Variants in OMA1 observed in about 807,000 individuals in gnomAD.
OMA1 encodes metalloendopeptidase OMA1, mitochondrial.
A neutral mutation model predicts 30.9 loss-of-function variants in OMA1; 38 were observed. The observed-to-expected ratio is 1.23, with a 90% confidence interval of 0.95 to 1.61. The LOEUF (loss-of-function observed/expected upper bound fraction) is 1.61. Among genes scored for constraint, OMA1 ranks in the 40% most tolerant of loss-of-function variants. The pLI is 0.00. For synonymous variants in OMA1, 173 were observed against 121.9 expected (o/e 1.42, Z -2.76); for missense variants, 461 against 349.2 (o/e 1.32, Z -2.55).
intron 7 of OMA1, among the ~76,000 whole-genome samples, chr1:58,517,552 A>T (rs964366156): frequency 2.6e-5 from 4 of 152,186 alleles, no homozygotes; most frequent in African/African-American, 9.7e-5. Flanking sequence ...CTCAAGTTAC[A>T]TCTCTGCTAC....
Position 58,536,642 on chromosome 1 carries a change from A to G in OMA1, c.600T>C (p.Ser200=). ...KNKWKLFLGL[S]SFGLLFVVFY... is the part of the protein sequence containing the mutation. ...ACACCACAAAGAGCAATCCAAAACT[A>G]CTCAAACCAAGGAATAGCTTCCATT... The change falls in exon 3 of 9, where the codon AGT becomes AGC. Residue 200 remains serine (S), a synonymous_variant. Coordinates refer to ENST00000371226, the MANE Select transcript of OMA1 (RefSeq NM_145243.5). The G allele has an allele frequency of 1.1e-6, 1 of 872,814 alleles. No homozygotes were observed. Among genetic ancestry groups the G allele is most frequent in the Non-Finnish European group, 2.0e-6 (1 of 501,624 alleles). The allele number at this position is 872,814 out of a possible 1,614,324, so 54.1% of individuals were successfully genotyped here.
intron 1 of OMA1, among the ~76,000 whole-genome samples, chr1:58,544,272 A>C (rs1646667068): frequency 6.6e-6 from 1 of 152,216 alleles, no homozygotes; most frequent in South Asian, 2.1e-4. Flanking sequence ...TTATTCATTC[A>C]TTCTGAAAAT....
At chr1:58,482,691 G>A (rs910534595) in intron 8 of OMA1, among the ~76,000 whole-genome samples, 1 of 152,134 alleles carries the variant, frequency 6.6e-6, no homozygotes, top group African/African-American at 2.4e-5. Flanking sequence ...GGGGTCAAGA[G>A]GGGGACAGAC....
intron 7 of OMA1, among the ~76,000 whole-genome samples, chr1:58,522,373 T>C (rs962480800): frequency 6.6e-6 from 1 of 152,134 alleles, no homozygotes; most frequent in Non-Finnish European, 1.5e-5. Flanking sequence ...TATATATACA[T>C]AATTTTTTTA....
At chr1:58,488,642 G>C (rs1466721821) in intron 8 of OMA1, among the ~76,000 whole-genome samples, 1 of 152,154 alleles carries the variant, frequency 6.6e-6, no homozygotes, top group Non-Finnish European at 1.5e-5. Context: ...AGTAGAGACA[G>C]GGTTTCTCCA....
chr1:58,505,810 C>A (rs949365480), intron 8 of OMA1, among the ~76,000 whole-genome samples: 1 of 152,048 alleles, frequency 6.6e-6, no homozygotes, highest in Non-Finnish European at 1.5e-5. Context: ...AAATTAAAGT[C>A]TCATACTAAA....
chr1:58,491,830 C>A (rs1645698046), intron 8 of OMA1, among the ~76,000 whole-genome samples: 1 of 152,038 alleles, frequency 6.6e-6, no homozygotes, highest in Non-Finnish European at 1.5e-5. Context: ...ACTTTAACAC[C>A]CCACTGTTAA....
At chr1:58,530,579 C>A in intron 6 of OMA1, 22 bp downstream of exon 6, 2 of 865,316 alleles carry the variant, frequency 2.3e-6, no homozygotes, top group South Asian at 1.3e-5. Flanking sequence ...ATGATCAATT[C>A]AAGTTATTGT....
intron 8 of OMA1, among the ~76,000 whole-genome samples, chr1:58,496,434 T>C (rs1290482843): frequency 2.6e-5 from 4 of 152,224 alleles, no homozygotes; most frequent in Non-Finnish European, 4.4e-5. Flanking sequence ...ACTGCTTCTA[T>C]GTTCTTGCCG....
intron 6 of OMA1, among the ~76,000 whole-genome samples, chr1:58,528,225 G>C (rs892483643): frequency 6.6e-5 from 10 of 152,120 alleles, no homozygotes; most frequent in African/African-American, 2.4e-4. Flanking sequence ...CAAGTCTATT[G>C]ATAACATAAG....
At position 58,480,993 on chromosome 1, in the gene OMA1, T is replaced by A. The variant is rs1215049861; in HGVS notation, c.1547A>T (p.Tyr516Phe). 1 of 870,642 alleles carries A rather than the reference T, an allele frequency of 1.1e-6. No homozygotes were observed. Among genetic ancestry groups the A allele is most frequent in the South Asian group, 1.3e-5 (1 of 76,318 alleles). 53.9% of individuals were successfully genotyped at this position (870,642 alleles called of 1,614,324 possible). Reference protein sequence around the residue: ...IQKQEQIPLTYIVEKRTGS With the variant: ...IQKQEQIPLTFIVEKRTGS ...ACTGCCCGTTCTTTTCTCAACTATGTATGTTAATGGTATTTGCTCCTGTTT... is the reference window on the plus strand; with the variant it reads ...ACTGCCCGTTCTTTTCTCAACTATGAATGTTAATGGTATTTGCTCCTGTTT... Residue 516 changes from tyrosine (Y) to phenylalanine (F), a missense_variant, in exon 9 of 9, where the codon TAC becomes TTC. Transcript: ENST00000371226.
chr1:58,513,273 C>T (rs1646109533), intron 7 of OMA1, among the ~76,000 whole-genome samples: 1 of 152,120 alleles, frequency 6.6e-6, no homozygotes, highest in South Asian at 2.1e-4. Flanking sequence ...ACCTGCTTCC[C>T]CTTCCACCAT....
intron 4 of OMA1, 37 bp downstream of exon 4, chr1:58,534,121 T>C (rs749290586): frequency 1.2e-6 from 1 of 867,912 alleles, no homozygotes; most frequent in Non-Finnish European, 2.0e-6. Flanking sequence ...GGACAATAAA[T>C]TTAACAATTA....
intron 7 of OMA1, among the ~76,000 whole-genome samples, chr1:58,524,925 T>A (rs1365736103): frequency 6.6e-6 from 1 of 152,204 alleles, no homozygotes; most frequent in East Asian, 1.9e-4. Flanking sequence ...TGTCTTCTGG[T>A]GTTTTAAGTA....
At chr1:58,521,426 A>G (rs1646261588) in intron 7 of OMA1, among the ~76,000 whole-genome samples, 1 of 152,032 alleles carries the variant, frequency 6.6e-6, no homozygotes, top group Non-Finnish European at 1.5e-5. Flanking sequence ...GAATAAAATA[A>G]TGAAAAAAAA....
intron 7 of OMA1, among the ~76,000 whole-genome samples, chr1:58,524,043 G>C (rs936543243): frequency 6.6e-6 from 1 of 152,182 alleles, no homozygotes; most frequent in Non-Finnish European, 1.5e-5. Context: ...CTGGCAGCTG[G>C]TATTATCTTT....
chr1:58,521,430 A>T (rs1330603743), intron 7 of OMA1, among the ~76,000 whole-genome samples: 2 of 152,006 alleles, frequency 1.3e-5, no homozygotes, highest in Non-Finnish European at 2.9e-5. Context: ...AAAATAATGA[A>T]AAAAAATGGT....
chr1:58,534,408 G>T, intron 3 of OMA1, 77 bp from the exon 4 acceptor site: 1 of 661,168 alleles, frequency 1.5e-6, no homozygotes, highest in Non-Finnish European at 2.6e-6. Context: ...AAGTTATATG[G>T]CTACTTATTA....
At chr1:58,499,523 T>C (rs899354865) in intron 8 of OMA1, among the ~76,000 whole-genome samples, 1 of 151,902 alleles carries the variant, frequency 6.6e-6, no homozygotes, top group Non-Finnish European at 1.5e-5. Flanking sequence ...GATAGATAGA[T>C]AGATATTAAA....
Sources: gnomAD v4.1 joint callset for allele counts (sites outside exome capture counted in the v4.1 genomes callset) on GRCh38, gnomAD v4.1.1 for gene constraint, MANE v1.5 for transcripts, NCBI Gene and HGNC (gene_info 2026-07-23, HGNC 2026-07-21) for gene names.